Variants in STXBP6 observed in about 807,000 individuals in gnomAD.
STXBP6 encodes the protein syntaxin binding protein 6.
STXBP6 carries 21 observed loss-of-function variants against 26.9 expected under a neutral mutation model. That is an observed-to-expected ratio of 0.78 (90% CI 0.55 to 1.12). The LOEUF is 1.12. STXBP6 is among the 50% of genes most tolerant of loss of function. The probability of loss-of-function intolerance (pLI) is 0.00; values close to 1 mark genes in which losing one functional copy is unlikely to be tolerated. For missense variants in STXBP6, 232 were observed against 257.9 expected (o/e 0.90, Z 0.69); for synonymous variants, 97 against 92.6 (o/e 1.05, Z -0.27).
intron 1 of STXBP6, among the ~76,000 whole-genome samples, chr14:24,990,380 C>T (rs1396978470): frequency 6.6e-6 from 1 of 152,090 alleles, no homozygotes; most frequent in Non-Finnish European, 1.5e-5. Context: ...TAAGCTGCGC[C>T]GCGCGCAGTG....
intron 1 of STXBP6, among the ~76,000 whole-genome samples, chr14:24,975,923 C>T (rs2074032523): frequency 1.3e-5 from 2 of 152,110 alleles, no homozygotes; most frequent in Admixed American, 6.5e-5. Context: ...TCAGGCAATT[C>T]AACAAATCAA....
At chr14:24,895,217 A>C (rs1054433265) in intron 2 of STXBP6, among the ~76,000 whole-genome samples, 5 of 152,184 alleles carry the variant, frequency 3.3e-5, no homozygotes, top group Non-Finnish European at 7.4e-5. Flanking sequence ...CAGAACACAA[A>C]AGTGTCCAGA....
chr14:24,826,688 G>A (rs368238610), intron 4 of STXBP6, among the ~76,000 whole-genome samples: 3 of 152,068 alleles, frequency 2.0e-5, no homozygotes, highest in African/African-American at 7.2e-5. Context: ...TCTGAAGGCC[G>A]CTCTTTCTGT....
chr14:25,007,317 T>C (rs2074925439), intron 1 of STXBP6, among the ~76,000 whole-genome samples: 1 of 152,224 alleles, frequency 6.6e-6, no homozygotes, highest in Non-Finnish European at 1.5e-5. Flanking sequence ...ACTCATTCTG[T>C]ATAAAACCTT....
At chr14:24,822,956 T>C (rs928204356) in intron 4 of STXBP6, among the ~76,000 whole-genome samples, 12 of 152,188 alleles carry the variant, frequency 7.9e-5, no homozygotes, top group African/African-American at 2.9e-4. Flanking sequence ...CTGAGTTAAA[T>C]CTGGAAATAA....
intron 2 of STXBP6, among the ~76,000 whole-genome samples, chr14:24,876,418 A>G (rs2070146537): frequency 6.6e-6 from 1 of 152,198 alleles, no homozygotes; most frequent in Admixed American, 6.5e-5. Context: ...CTCAACACAA[A>G]GGCACTATTA....
At chr14:24,932,187 T>C (rs1383597723) in intron 2 of STXBP6, among the ~76,000 whole-genome samples, 1 of 152,158 alleles carries the variant, frequency 6.6e-6, no homozygotes, top group Non-Finnish European at 1.5e-5. Context: ...GGCGGGCAGA[T>C]CACGAGGTCA....
rs529667326 is a variant in STXBP6, at chr14:24,885,435, C to T, written c.155-28278G>A. Among the ~76,000 whole-genome samples, 15 of 152,324 alleles carry T rather than the reference C, an allele frequency of 9.8e-5. No homozygotes were observed. In the East Asian group the frequency reaches 1.7e-3, roughly 18 times the overall value. On this transcript the variant is annotated intron_variant, in intron 2 of 5. Coordinates refer to ENST00000323944, the MANE Select transcript of STXBP6 (RefSeq NM_001394410.1). ...CTGCTAAGGCCAGGCAGGCTTGCTA[C>T]AGGAGAGCCACCTCAGGACTCTAAG...
intron 2 of STXBP6, among the ~76,000 whole-genome samples, chr14:24,939,650 C>T (rs1045592515): frequency 6.6e-6 from 1 of 152,128 alleles, no homozygotes; most frequent in Non-Finnish European, 1.5e-5. Context: ...GATTCTAGAC[C>T]ATCGCTGTCC....
At chr14:24,815,356 C>A (rs1169544201) in intron 5 of STXBP6, among the ~76,000 whole-genome samples, 1 of 151,612 alleles carries the variant, frequency 6.6e-6, no homozygotes, top group African/African-American at 2.4e-5. Context: ...ACCTACTCAA[C>A]CTAAAAAATG....
At chr14:24,950,833 G>C (rs1415888834) in intron 2 of STXBP6, among the ~76,000 whole-genome samples, 1 of 152,118 alleles carries the variant, frequency 6.6e-6, no homozygotes, top group Non-Finnish European at 1.5e-5. Flanking sequence ...ATGGTGGTTT[G>C]CTGCACCCAT....
chr14:24,895,680 A>T (rs1157524375), intron 2 of STXBP6, among the ~76,000 whole-genome samples: 2 of 152,222 alleles, frequency 1.3e-5, no homozygotes, highest in Non-Finnish European at 2.9e-5. Context: ...GGCTTCCATT[A>T]TAATAGTAAG....
chr14:24,956,832 T>C (rs371594052), intron 2 of STXBP6, among the ~76,000 whole-genome samples: 32 of 152,190 alleles, frequency 2.1e-4, no homozygotes, highest in African/African-American at 6.8e-4. Flanking sequence ...TTCAGGATAA[T>C]GGCACTTCGG....
intron 4 of STXBP6, among the ~76,000 whole-genome samples, chr14:24,832,155 T>C (rs854396): frequency 6.6e-6 from 1 of 152,092 alleles, no homozygotes; most frequent in African/African-American, 2.4e-5. Context: ...CATGTACACA[T>C]GTGCCAGTTT....
At chr14:24,837,921 A>G (rs1446382293) in intron 4 of STXBP6, among the ~76,000 whole-genome samples, 1 of 152,234 alleles carries the variant, frequency 6.6e-6, no homozygotes, top group Non-Finnish European at 1.5e-5. Context: ...GAAGAACAAC[A>G]GCTAACAATC....
intron 2 of STXBP6, among the ~76,000 whole-genome samples, chr14:24,914,116 T>C (rs1477171804): frequency 6.6e-6 from 1 of 152,128 alleles, no homozygotes; most frequent in East Asian, 1.9e-4. Context: ...TTAAAATTAA[T>C]TTCTCATGGA....
chr14:24,896,775 A>G (rs556300213), intron 2 of STXBP6, among the ~76,000 whole-genome samples: 63 of 152,336 alleles, frequency 4.1e-4, no homozygotes, highest in Non-Finnish European at 7.9e-4. Context: ...AAGCTGGGCT[A>G]GGAATGAGGA....
intron 2 of STXBP6, among the ~76,000 whole-genome samples, chr14:24,973,447 G>A (rs2073960590): frequency 7.3e-6 from 1 of 136,712 alleles, no homozygotes; most frequent in African/African-American, 2.8e-5. Context: ...GTGCAGTGGT[G>A]TGATCTCGGC....
chr14:24,869,676 G>A (rs1027186446), intron 2 of STXBP6, among the ~76,000 whole-genome samples: 3 of 152,094 alleles, frequency 2.0e-5, no homozygotes, highest in African/African-American at 7.2e-5. Context: ...CTGTCAAAAC[G>A]CTCTTCTCAA....
Sources: allele counts gnomAD v4.1 joint callset (sites outside exome capture counted in the v4.1 genomes callset), GRCh38; gene constraint gnomAD v4.1.1; transcripts MANE v1.5; gene names NCBI Gene and HGNC (gene_info 2026-07-23, HGNC 2026-07-21).